Variants in RNF150 observed in about 807,000 individuals in gnomAD.
The protein encoded by RNF150 is ring finger protein 150.
RNF150 carries 24 observed loss-of-function variants against 39.3 expected under a neutral mutation model. The observed-to-expected ratio is 0.61, with a 90% CI of 0.44 to 0.86. RNF150 has a LOEUF of 0.86. Among genes scored for constraint, RNF150 ranks in the 40% least tolerant of loss-of-function variants. The probability of loss-of-function intolerance (pLI) is 0.00; values close to 1 mark genes in which losing one functional copy is unlikely to be tolerated. For synonymous variants in RNF150, 255 were observed against 227.3 expected (o/e 1.12, Z -1.10); for missense variants, 502 against 587.8 (o/e 0.85, Z 1.51).
chr4:140,953,600 T>A (rs963104475), intron 2 of RNF150, among the ~76,000 whole-genome samples: 1 of 151,994 alleles, frequency 6.6e-6, no homozygotes, highest in African/African-American at 2.4e-5. Flanking sequence ...AAAAATGCAA[T>A]TTCCATATGC....
At chr4:140,997,441 T>G (rs919534013) in intron 1 of RNF150, among the ~76,000 whole-genome samples, 4 of 152,044 alleles carry the variant, frequency 2.6e-5, no homozygotes, top group African/African-American at 9.7e-5. Flanking sequence ...GCCAACATGG[T>G]GAAACCCCAT....
At chr4:141,102,682 CT>C (rs1739055046) in intron 1 of RNF150, among the ~76,000 whole-genome samples, 1 of 152,174 alleles carries the variant, frequency 6.6e-6, no homozygotes, top group African/African-American at 2.4e-5. Context: ...GCTCGGAGGC[CT>C]GCTGATAATT....
chr4:141,070,567 C>T (rs1162377634), intron 1 of RNF150, among the ~76,000 whole-genome samples: 7 of 150,582 alleles, frequency 4.6e-5, no homozygotes, highest in African/African-American at 1.2e-4. Flanking sequence ...AAAAAGTGGG[C>T]GAAGGACATG....
intron 1 of RNF150, among the ~76,000 whole-genome samples, chr4:141,203,015 T>G (rs1180650216): frequency 6.7e-6 from 1 of 150,160 alleles, no homozygotes; most frequent in Non-Finnish European, 1.5e-5. Context: ...TGATATATAT[T>G]TTGTCTCCAT....
chr4:141,185,704 A>G (rs1248043576), intron 1 of RNF150, among the ~76,000 whole-genome samples: 2 of 152,224 alleles, frequency 1.3e-5, no homozygotes, highest in Non-Finnish European at 2.9e-5. Context: ...GATATGTTCC[A>G]TAAATACCTA....
intron 1 of RNF150, among the ~76,000 whole-genome samples, chr4:141,182,357 G>T (rs1293389944): frequency 2.4e-5 from 1 of 41,134 alleles, no homozygotes; most frequent in Non-Finnish European, 4.8e-5. Context: ...AGGAAATAAA[G>T]GGTATTCAAT....
chr4:140,871,050 T>C (rs1489058792), intron 6 of RNF150, among the ~76,000 whole-genome samples: 3 of 151,952 alleles, frequency 2.0e-5, no homozygotes, highest in Non-Finnish European at 4.4e-5. Context: ...TTTATACTTA[T>C]GAGAACTGGG....
intron 1 of RNF150, among the ~76,000 whole-genome samples, chr4:141,053,093 T>G (rs1401634803): frequency 6.6e-6 from 1 of 152,186 alleles, no homozygotes; most frequent in East Asian, 1.9e-4. Flanking sequence ...TTTAAATTAC[T>G]GCTAGTCACA....
chr4:140,934,847 T>A (rs1464976366), intron 4 of RNF150, among the ~76,000 whole-genome samples: 1 of 151,290 alleles, frequency 6.6e-6, no homozygotes, highest in African/African-American at 2.4e-5. Context: ...CTTCTTTGAG[T>A]TAAGGTTTTC....
At chr4:141,121,952 AC>A (rs1726617823) in intron 1 of RNF150, among the ~76,000 whole-genome samples, 1 of 152,020 alleles carries the variant, frequency 6.6e-6, no homozygotes, top group South Asian at 2.1e-4. Context: ...CCTGCAACAG[AC>A]CATTTACATC....
chr4:140,949,961 C>T (rs1021024358), intron 2 of RNF150, among the ~76,000 whole-genome samples: 1 of 152,130 alleles, frequency 6.6e-6, no homozygotes, highest in African/African-American at 2.4e-5. Context: ...ACATAATGTT[C>T]AGTTTAGCAA....
intron 1 of RNF150, among the ~76,000 whole-genome samples, chr4:141,191,758 C>T (rs1267479933): frequency 6.6e-6 from 1 of 152,198 alleles, no homozygotes; most frequent in African/African-American, 2.4e-5. Context: ...TTATAACACA[C>T]ATATGTCTTA....
At chr4:141,193,245 A>G (rs1188844133) in intron 1 of RNF150, among the ~76,000 whole-genome samples, 1 of 152,232 alleles carries the variant, frequency 6.6e-6, no homozygotes, top group African/African-American at 2.4e-5. Context: ...ATAAGCATTC[A>G]ATAAATGTTT....
intron 4 of RNF150, among the ~76,000 whole-genome samples, chr4:140,943,488 A>G (rs113064445): frequency 2.0e-5 from 3 of 152,230 alleles, no homozygotes; most frequent in Admixed American, 6.5e-5. Flanking sequence ...AATACAAACC[A>G]TTGTTAGAAG....
At chr4:141,011,679 T>C (rs1290295600) in intron 1 of RNF150, among the ~76,000 whole-genome samples, 2 of 152,234 alleles carry the variant, frequency 1.3e-5, no homozygotes, top group East Asian at 3.8e-4. Context: ...GTAAAAAAAC[T>C]TGGCACAGTA....
intron 1 of RNF150, among the ~76,000 whole-genome samples, chr4:141,038,982 T>C (rs1444682698): frequency 1.3e-5 from 2 of 151,976 alleles, no homozygotes; most frequent in African/African-American, 4.8e-5. Flanking sequence ...ATGTGGCTGA[T>C]AGACTGAGGT....
intron 1 of RNF150, among the ~76,000 whole-genome samples, chr4:141,146,396 T>C (rs1189362424): frequency 6.6e-6 from 1 of 152,190 alleles, no homozygotes; most frequent in East Asian, 1.9e-4. Context: ...AAACATTCAC[T>C]ACGTCATGCA....
intron 1 of RNF150, among the ~76,000 whole-genome samples, chr4:141,018,602 C>T (rs986798976): frequency 5.3e-5 from 8 of 152,102 alleles, no homozygotes; most frequent in Admixed American, 3.3e-4. Context: ...AAGTCATCTG[C>T]CATGCAGGCC....
chr4:141,099,469 G>A (rs1333851575), intron 1 of RNF150, among the ~76,000 whole-genome samples: 1 of 152,058 alleles, frequency 6.6e-6, no homozygotes, highest in Non-Finnish European at 1.5e-5. Context: ...AAACAAAATT[G>A]GACTCTGTAC....
Sources: allele counts gnomAD v4.1 joint callset (sites outside exome capture counted in the v4.1 genomes callset), GRCh38; gene constraint gnomAD v4.1.1; transcripts MANE v1.5; gene names NCBI Gene and HGNC (gene_info 2026-07-23, HGNC 2026-07-21).